The following CAMK2N2 variants were observed in gnomAD, a reference collection of about 807,000 sequenced individuals.
The protein encoded by CAMK2N2 is calcium/calmodulin dependent protein kinase II inhibitor 2, also known as calcium/calmodulin-dependent protein kinase II inhibitor 2.
Under a neutral mutation model 7.8 loss-of-function variants are expected in CAMK2N2, and 3 were observed. That is an observed-to-expected ratio of 0.38 (90% CI 0.18 to 0.99). The LOEUF is 0.99. CAMK2N2 is among the 50% of genes least tolerant of loss of function. The probability of loss-of-function intolerance (pLI) is 0.37; values close to 1 mark genes in which losing one functional copy is unlikely to be tolerated. For missense variants in CAMK2N2, 85 were observed against 108.4 expected, an observed-to-expected ratio of 0.78 and a Z score of 0.96; for synonymous variants, 45 against 46.6, an observed-to-expected ratio of 0.97 and a Z score of 0.14.
chr3:184,260,995 GAGAGC>G lies in CAMK2N2; in HGVS notation c.169+117_169+121del. 9.3e-7 allele frequency: 1 copy of G among 1,075,530 alleles called. No homozygotes were observed. The highest frequency in any genetic ancestry group is 1.3e-6 in the Non-Finnish European group (1 of 790,758). The allele number at this position is 1,075,530 out of a possible 1,614,324, so 66.6% of individuals were successfully genotyped here. A position where few individuals can be genotyped will look rare whatever the true frequency, so the allele number is the denominator to read the frequency against. ...GGACCCCCCCCTCCAGCCCGGGCTG[GAGAGC>G]GGCTGGTGCGCTGGTCTGCGGCAAG... On this transcript the variant is annotated intron_variant, in intron 1 of 1. Coordinates refer to ENST00000296238, the MANE Select transcript of CAMK2N2 (RefSeq NM_033259.3). The surrounding 1 kb of genome is among the most constrained non-coding windows in gnomAD (Gnocchi z 6.6).
chr3:184,261,520 G>T lies in CAMK2N2; in HGVS notation c.-235C>A, dbSNP rs1448110369. 1 of 149,616 alleles carries T rather than the reference G, an allele frequency of 6.7e-6. No individual in the cohort carries two copies. Among genetic ancestry groups the T allele is most frequent in the African/African-American group, 2.5e-5 (1 of 40,518 alleles). The allele number at this position is 149,616 out of a possible 1,614,324, so 9.3% of individuals were successfully genotyped here. ...GACCGGGCGGGGGCGGGGGCGGGGG[G>T]CGGGGGTGGCGGCGGCGGCGGCAAG... On this transcript the variant is annotated 5_prime_UTR_variant, in exon 1 of 2. Coordinates refer to ENST00000296238, the MANE Select transcript of CAMK2N2 (RefSeq NM_033259.3). The surrounding 1 kb of genome is among the most constrained non-coding windows in gnomAD (Gnocchi z 5.1).
At position 184,260,373 on chromosome 3, in the gene CAMK2N2, C is replaced by T. The variant is rs1030772655; in HGVS notation, c.170-146G>A. The stretch of plus-strand genomic sequence containing the variant: ...CCTGTGCCGCGGTGTCCTCCCCGTC[C>T]GAACTCTTCTGGAGACCCAACCCGC... On this transcript the variant is annotated intron_variant, in intron 1 of 1. Transcript: ENST00000296238. This position sits in a 1 kb window ranked among gnomAD's most constrained non-coding sequence, Gnocchi z 6.6. The T allele has an allele frequency of 4.4e-6, 3 of 689,444 alleles. No homozygotes were observed. Among genetic ancestry groups the T allele is most frequent in the East Asian group, 6.7e-5 (2 of 29,728 alleles). 42.7% of individuals were successfully genotyped at this position (689,444 alleles called of 1,614,324 possible). A position where few individuals can be genotyped will look rare whatever the true frequency, so the allele number is the denominator to read the frequency against.
In CAMK2N2 at chr3:184,261,072, G is replaced by T. The variant is rs1720029052; in HGVS notation, c.169+45C>A. 1 of 1,543,072 alleles carries T rather than the reference G, an allele frequency of 6.5e-7. No homozygotes were observed. Among genetic ancestry groups the T allele is most frequent in the East Asian group, 2.5e-5 (1 of 39,556 alleles). ...AACGGCAGCCGGGGGGCGCCCGGCG[G>T]AGGGTTTCTGGGTCAGGCGGCGACT... On this transcript the variant is annotated intron_variant, in intron 1 of 1. Coordinates refer to ENST00000296238, the MANE Select transcript of CAMK2N2 (RefSeq NM_033259.3). This position sits in a 1 kb window ranked among gnomAD's most constrained non-coding sequence, Gnocchi z 5.1.
In CAMK2N2 at chr3:184,261,371, G is replaced by A; in HGVS notation, c.-86C>T. The A allele has an allele frequency of 8.6e-7, 1 of 1,158,916 alleles. No individual in the cohort carries two copies. The highest frequency in any genetic ancestry group is 1.1e-6 in the Non-Finnish European group (1 of 896,082). The allele number at this position is 1,158,916 out of a possible 1,614,324, so 71.8% of individuals were successfully genotyped here. A position where few individuals can be genotyped will look rare whatever the true frequency, so the allele number is the denominator to read the frequency against. ...TTGCTGCCGGACCGGCCCTACCTCA[G>A]CAGGGGAGCCGGCGGAAGGATGAAG... On this transcript the variant is annotated 5_prime_UTR_variant, in exon 1 of 2. Transcript: ENST00000296238. The surrounding 1 kb of genome is among the most constrained non-coding windows in gnomAD (Gnocchi z 5.1).
Position 184,261,376 on chromosome 3 carries a change from G to T in CAMK2N2, c.-91C>A, listed in dbSNP as rs1377225337. 8.9e-6 allele frequency: 10 copies of T among 1,120,142 alleles called. No homozygotes were observed. The Admixed American group carries it at 2.6e-4, about 29-fold the overall frequency. The allele number at this position is 1,120,142 out of a possible 1,614,324, so 69.4% of individuals were successfully genotyped here. ...GCCGGACCGGCCCTACCTCAGCAGG[G>T]GAGCCGGCGGAAGGATGAAGTCATG... On this transcript the variant is annotated 5_prime_UTR_variant, in exon 1 of 2. Transcript: ENST00000296238. The surrounding 1 kb of genome is among the most constrained non-coding windows in gnomAD (Gnocchi z 5.1).
At position 184,261,175 on chromosome 3, in the gene CAMK2N2, G is replaced by A. The variant is rs1387440449; in HGVS notation, c.111C>T (p.Phe37=). 1 of 1,607,832 alleles carries A rather than the reference G, an allele frequency of 6.2e-7. No individual in the cohort carries two copies. Among genetic ancestry groups the A allele is most frequent in the Non-Finnish European group, 8.5e-7 (1 of 1,177,914 alleles). The change falls in exon 1 of 2, where the codon TTC becomes TTT. Residue 37 remains phenylalanine (F), a synonymous_variant. Coordinates refer to ENST00000296238, the MANE Select transcript of CAMK2N2 (RefSeq NM_033259.3). The surrounding 1 kb of genome is among the most constrained non-coding windows in gnomAD (Gnocchi z 5.1). Reference sequence around the variant, plus strand: ...GGGGTCGCTTGGCCTGGTTGCCCGCGAAGAAGGAGTTGGTGTCCTGCAGGC... The same window carrying A: ...GGGGTCGCTTGGCCTGGTTGCCCGCAAAGAAGGAGTTGGTGTCCTGCAGGC... ...SCRLQDTNSF[F]AGNQAKRPPK... is the part of the protein sequence containing the mutation.
chr3:184,261,194 T>C lies in CAMK2N2; in HGVS notation c.92A>G (p.Gln31Arg), dbSNP rs780251102. The C allele has an allele frequency of 5.0e-6, 8 of 1,608,268 alleles. No homozygotes were observed. The highest frequency in any genetic ancestry group is 6.8e-6 in the Non-Finnish European group (8 of 1,177,932). Residue 31 changes from glutamine to arginine, a missense_variant, in exon 1 of 2, where the codon CAG becomes CGG. Coordinates refer to ENST00000296238, the MANE Select transcript of CAMK2N2 (RefSeq NM_033259.3). This position sits in a 1 kb window ranked among gnomAD's most constrained non-coding sequence, Gnocchi z 5.1. ...GCCCGCGAAGAAGGAGTTGGTGTCC[T>C]GCAGGCGGCAGCTGAAGGAGAGGTC... ...GSDLSFSCRL[Q>R]DTNSFFAGNQ...
chr3:184,260,337 C>T lies in CAMK2N2; in HGVS notation c.170-110G>A. On this transcript the variant is annotated intron_variant, in intron 1 of 1. Coordinates refer to ENST00000296238, the MANE Select transcript of CAMK2N2 (RefSeq NM_033259.3). This position sits in a 1 kb window ranked among gnomAD's most constrained non-coding sequence, Gnocchi z 6.6. ...AGCTACTGCCCGTGGCCCAGCGACG[C>T]CCCTCGGAACCCTGTGCCGCGGTGT... is the stretch of plus-strand genomic sequence containing the variant. 1 of 965,038 alleles carries T rather than the reference C, an allele frequency of 1.0e-6. No individual in the cohort carries two copies. Among genetic ancestry groups the T allele is most frequent in the Non-Finnish European group, 1.5e-6 (1 of 657,814 alleles). The allele number at this position is 965,038 out of a possible 1,614,324, so 59.8% of individuals were successfully genotyped here.
At position 184,261,120 on chromosome 3, in the gene CAMK2N2, G is replaced by C; in HGVS notation, c.166C>G (p.Arg56Gly). 1 of 1,598,998 alleles carries C rather than the reference G, an allele frequency of 6.3e-7. No individual in the cohort carries two copies. Among genetic ancestry groups the C allele is most frequent in the Non-Finnish European group, 8.5e-7 (1 of 1,174,888 alleles). The change falls in exon 1 of 2, where the codon CGA becomes GGA. Residue 56 changes from arginine to glycine, a missense_variant. By Grantham distance (125) the Arg-to-Gly change is moderately radical (BLOSUM62 -2). Transcript: ENST00000296238. This position sits in a 1 kb window ranked among gnomAD's most constrained non-coding sequence, Gnocchi z 5.1. ...PKLGQIGRAK[R>G]VVIEDDRIDD... ...ACTCCGGGCCCGGGCCGCGTACCTC[G>C]CTTGGCTCGGCCGATCTGGCCCAGC...
rs756662598 is a variant in CAMK2N2 at position 184,261,316 on chromosome 3, C to A, written c.-31G>T. 32 of 1,403,356 alleles carry A rather than the reference C, an allele frequency of 2.3e-5. No homozygotes were observed. Among genetic ancestry groups the A allele is most frequent in the Non-Finnish European group, 2.9e-5 (31 of 1,087,176 alleles). The allele number at this position is 1,403,356 out of a possible 1,614,324, so 86.9% of individuals were successfully genotyped here. ...GCGCGGGGTGGGCGCGGGGCGGGAG[C>A]GGGACTGCGGCGGGGCGCGGGCGGC... On this transcript the variant is annotated 5_prime_UTR_variant, in exon 1 of 2. Transcript: ENST00000296238. The surrounding 1 kb of genome is among the most constrained non-coding windows in gnomAD (Gnocchi z 5.1).
rs1008340937 is a variant in CAMK2N2, at chr3:184,260,980, C to A, written c.169+137G>T. ...CACACACTGCAGCGGGGACCCCCCC[C>A]TCCAGCCCGGGCTGGAGAGCGGCTG... On this transcript the variant is annotated intron_variant, in intron 1 of 1. Transcript: ENST00000296238. The surrounding 1 kb of genome is among the most constrained non-coding windows in gnomAD (Gnocchi z 6.6). 2 of 938,690 alleles carry A rather than the reference C, an allele frequency of 2.1e-6. No homozygotes were observed. The highest frequency in any genetic ancestry group is 1.9e-5 in the South Asian group (1 of 53,756). The allele number at this position is 938,690 out of a possible 1,614,324, so 58.1% of individuals were successfully genotyped here.
In CAMK2N2 at chr3:184,260,248, T is replaced by C. The variant is rs1363278155; in HGVS notation, c.170-21A>G. ...CACCACTGCGCAGGGAGAAAGCGCG[T>C]CAGCCGCGCGGCCTCGGGGGGCGGC... is the stretch of plus-strand genomic sequence containing the variant. On this transcript the variant is annotated intron_variant, in intron 1 of 1. Coordinates refer to ENST00000296238, the MANE Select transcript of CAMK2N2 (RefSeq NM_033259.3). The surrounding 1 kb of genome is among the most constrained non-coding windows in gnomAD (Gnocchi z 6.6). The C allele has an allele frequency of 6.2e-7, 1 of 1,604,910 alleles. No individual in the cohort carries two copies. Among genetic ancestry groups the C allele is most frequent in the Non-Finnish European group, 8.5e-7 (1 of 1,175,290 alleles).
rs1420353441 is a variant in CAMK2N2, at chr3:184,260,726, C to T, written c.169+391G>A. On this transcript the variant is annotated intron_variant, in intron 1 of 1. Transcript: ENST00000296238. The surrounding 1 kb of genome is among the most constrained non-coding windows in gnomAD (Gnocchi z 6.6). ...CCAAGACAAGCGGACCCCCGGCCTC[C>T]TGCCCTCTCTTGTTAGACGTCCCTC... 6.6e-6 allele frequency among the ~76,000 whole-genome samples: 1 copy of T among 152,232 alleles called. No individual in the cohort carries two copies. The highest frequency in any genetic ancestry group is 2.4e-5 in the African/African-American group (1 of 41,456).
At position 184,260,409 on chromosome 3, in the gene CAMK2N2, A is replaced by G. The variant is rs1182510492; in HGVS notation, c.170-182T>C. On this transcript the variant is annotated intron_variant, in intron 1 of 1. Coordinates refer to ENST00000296238, the MANE Select transcript of CAMK2N2 (RefSeq NM_033259.3). This position sits in a 1 kb window ranked among gnomAD's most constrained non-coding sequence, Gnocchi z 6.6. ...GGAGACCCAACCCGCCGCCAAGCCT[A>G]GACCCCCTCCCCTCCCGATGGCGGA... Among the ~76,000 whole-genome samples, 11 of 152,202 alleles carry G rather than the reference A, an allele frequency of 7.2e-5. No homozygotes were observed. The highest frequency in any genetic ancestry group is 2.6e-4 in the Admixed American group (4 of 15,300).
chr3:184,260,953 GAC>G lies in CAMK2N2; in HGVS notation c.169+162_169+163del, dbSNP rs1259940682. On this transcript the variant is annotated intron_variant, in intron 1 of 1. Coordinates refer to ENST00000296238, the MANE Select transcript of CAMK2N2 (RefSeq NM_033259.3). The surrounding 1 kb of genome is among the most constrained non-coding windows in gnomAD (Gnocchi z 6.6). ...TGTTCCCGGGAGAAGGGAAGAGGGG[GAC>G]ACACACTGCAGCGGGGACCCCCCCC... Among the ~76,000 whole-genome samples the G allele has an allele frequency of 2.0e-5, 3 of 152,148 alleles. No homozygotes were observed. Among genetic ancestry groups the G allele is most frequent in the Non-Finnish European group, 2.9e-5 (2 of 68,028 alleles).
In CAMK2N2 at chr3:184,261,129, G is replaced by T. The variant is rs766074025; in HGVS notation, c.157C>A (p.Arg53=). Residue 53 remains arginine, a synonymous_variant, in exon 1 of 2, where the codon CGA becomes AGA. Coordinates refer to ENST00000296238, the MANE Select transcript of CAMK2N2 (RefSeq NM_033259.3). This position sits in a 1 kb window ranked among gnomAD's most constrained non-coding sequence, Gnocchi z 5.1. ...CCGGGCCGCGTACCTCGCTTGGCTC[G>T]GCCGATCTGGCCCAGCTTGGGGGGT... ...KRPPKLGQIG[R]AKRVVIEDDR... is the part of the protein sequence containing the mutation. The T allele has an allele frequency of 4.2e-5, 68 of 1,603,156 alleles. No homozygotes were observed. The Middle Eastern group carries it at 5.0e-4, about 12-fold the overall frequency.
Position 184,261,372 on chromosome 3 carries a change from C to T in CAMK2N2, c.-87G>A. On this transcript the variant is annotated 5_prime_UTR_variant, in exon 1 of 2. Coordinates refer to ENST00000296238, the MANE Select transcript of CAMK2N2 (RefSeq NM_033259.3). The surrounding 1 kb of genome is among the most constrained non-coding windows in gnomAD (Gnocchi z 5.1). ...TGCTGCCGGACCGGCCCTACCTCAG[C>T]AGGGGAGCCGGCGGAAGGATGAAGT... is the stretch of plus-strand genomic sequence containing the variant. 1 of 1,149,898 alleles carries T rather than the reference C, an allele frequency of 8.7e-7. No individual in the cohort carries two copies. The highest frequency in any genetic ancestry group is 1.1e-6 in the Non-Finnish European group (1 of 888,564). The allele number at this position is 1,149,898 out of a possible 1,614,324, so 71.2% of individuals were successfully genotyped here. A position where few individuals can be genotyped will look rare whatever the true frequency, so the allele number is the denominator to read the frequency against.
rs2108453645 is a variant in CAMK2N2 at position 184,260,181 on chromosome 3, C to T, written c.216G>A (p.Gly72=). 2.5e-6 allele frequency: 4 copies of T among 1,609,298 alleles called. No homozygotes were observed. The highest frequency in any genetic ancestry group is 3.4e-6 in the Non-Finnish European group (4 of 1,177,906). ...DRIDDVLKGM[G]EKPPSGV Reference sequence around the variant, plus strand: ...TCTACACTCCGGACGGCGGCTTCTCCCCCATCCCCTTCAGCACGTCGTCTA... The same window carrying T: ...TCTACACTCCGGACGGCGGCTTCTCTCCCATCCCCTTCAGCACGTCGTCTA... The change falls in exon 2 of 2, where the codon GGG becomes GGA. Residue 72 remains glycine (G), a synonymous_variant. Transcript: ENST00000296238. This position sits in a 1 kb window ranked among gnomAD's most constrained non-coding sequence, Gnocchi z 6.6.
chr3:184,261,058 G>A lies in CAMK2N2; in HGVS notation c.169+59C>T, dbSNP rs843352. ...GGCACTCGGCGGGGAACGGCAGCCG[G>A]GGGGCGCCCGGCGGAGGGTTTCTGG... On this transcript the variant is annotated intron_variant, in intron 1 of 1. Coordinates refer to ENST00000296238, the MANE Select transcript of CAMK2N2 (RefSeq NM_033259.3). The surrounding 1 kb of genome is among the most constrained non-coding windows in gnomAD (Gnocchi z 5.1). The A allele has an allele frequency of 0.22, 324,552 of 1,498,818 alleles. 36,030 individuals carry two copies. The highest frequency in any genetic ancestry group is 0.24 in the Middle Eastern group (1,007 of 4,260). 92.8% of individuals were successfully genotyped at this position (1,498,818 alleles called of 1,614,324 possible).
Sources: allele counts gnomAD v4.1 joint callset (sites outside exome capture counted in the v4.1 genomes callset), GRCh38; gene constraint gnomAD v4.1.1; non-coding constraint Gnocchi (gnomAD v3.1); transcripts MANE v1.5; gene names NCBI Gene and HGNC (gene_info 2026-07-23, HGNC 2026-07-21).